KCTD8: variants seen among roughly 807,000 people sequenced by gnomAD.
KCTD8 encodes the protein BTB/POZ domain-containing protein KCTD8.
KCTD8 carries 27 observed loss-of-function variants against 31.5 expected under a neutral mutation model. The observed-to-expected ratio is 0.86, with a 90% CI of 0.63 to 1.18. KCTD8 has a LOEUF of 1.18. Among genes scored for constraint, KCTD8 ranks in the 50% most tolerant of loss-of-function variants. The pLI, the probability that KCTD8 is intolerant of heterozygous loss-of-function variation, is 0.00. For missense variants in KCTD8, 658 were observed against 647.7 expected (o/e 1.02, Z -0.17); for synonymous variants, 290 against 280.0 (o/e 1.04, Z -0.36).
intron 1 of KCTD8, among the ~76,000 whole-genome samples, chr4:44,350,256 C>A (rs1719162719): frequency 6.6e-6 from 1 of 152,152 alleles, no homozygotes; most frequent in Non-Finnish European, 1.5e-5. Flanking sequence ...TTTCACAACA[C>A]CTTCTCAGTT....
intron 1 of KCTD8, among the ~76,000 whole-genome samples, chr4:44,307,416 G>A (rs970470461): frequency 6.6e-6 from 1 of 151,856 alleles, no homozygotes; most frequent in African/African-American, 2.4e-5. Flanking sequence ...TTCTCATATT[G>A]TGAAATCATC....
chr4:44,221,222 G>A (rs992017523), intron 1 of KCTD8, among the ~76,000 whole-genome samples: 1 of 152,074 alleles, frequency 6.6e-6, no homozygotes, highest in Non-Finnish European at 1.5e-5. Context: ...ACTATGTTAA[G>A]CTTTGACAGC....
intron 1 of KCTD8, among the ~76,000 whole-genome samples, chr4:44,193,180 T>C (rs1454990871): frequency 6.6e-6 from 1 of 152,192 alleles, no homozygotes; most frequent in Non-Finnish European, 1.5e-5. Context: ...TTTTAACAAG[T>C]AAAGTTATAA....
At chr4:44,220,014 A>G (rs1222318550) in intron 1 of KCTD8, among the ~76,000 whole-genome samples, 1 of 152,208 alleles carries the variant, frequency 6.6e-6, no homozygotes, top group Non-Finnish European at 1.5e-5. Flanking sequence ...ATTCTGTTTT[A>G]GAAGTAATGG....
chr4:44,392,457 C>G (rs961411446), intron 1 of KCTD8, among the ~76,000 whole-genome samples: 2 of 151,962 alleles, frequency 1.3e-5, no homozygotes, highest in Non-Finnish European at 2.9e-5. Context: ...CATAGTTTCA[C>G]CTATCATTGA....
At chr4:44,273,971 G>A (rs1341017255) in intron 1 of KCTD8, among the ~76,000 whole-genome samples, 1 of 151,734 alleles carries the variant, frequency 6.6e-6, no homozygotes, top group African/African-American at 2.4e-5. Context: ...TCTAACTGTT[G>A]TTTGAAATCA....
chr4:44,266,565 G>T (rs1303983982), intron 1 of KCTD8, among the ~76,000 whole-genome samples: 1 of 151,672 alleles, frequency 6.6e-6, no homozygotes, highest in African/African-American at 2.4e-5. Context: ...AATGTAAATG[G>T]ACTAAATGCT....
At chr4:44,340,465 A>AT (rs781054339) in intron 1 of KCTD8, among the ~76,000 whole-genome samples, 2,849 of 137,596 alleles carry the variant, frequency 0.021, 76 homozygotes, top group Admixed American at 0.069. Flanking sequence ...TGCCTGGCTA[A>AT]TTTTTTTTTT....
intron 1 of KCTD8, among the ~76,000 whole-genome samples, chr4:44,368,885 A>G (rs751247922): frequency 5.3e-5 from 8 of 152,196 alleles, no homozygotes; most frequent in Middle Eastern, 3.2e-3. Context: ...ACCTTTTGGC[A>G]CATTTCGGTG....
At chr4:44,204,597 T>C (rs1160271813) in intron 1 of KCTD8, among the ~76,000 whole-genome samples, 1 of 152,060 alleles carries the variant, frequency 6.6e-6, no homozygotes, top group African/African-American at 2.4e-5. Flanking sequence ...CTCAGGGAGC[T>C]CGGTTTTTGA....
chr4:44,229,812 A>G (rs1715067309), intron 1 of KCTD8, among the ~76,000 whole-genome samples: 1 of 148,434 alleles, frequency 6.7e-6, no homozygotes, highest in African/African-American at 2.5e-5. Flanking sequence ...CAACTGCCTT[A>G]AGGATTTTTT....
intron 1 of KCTD8, among the ~76,000 whole-genome samples, chr4:44,277,134 T>G (rs1716773114): frequency 6.6e-6 from 1 of 152,022 alleles, no homozygotes; most frequent in Middle Eastern, 3.4e-3. Flanking sequence ...GTTATTAATA[T>G]TCATGCTAGA....
At chr4:44,359,060 T>C (rs1053812815) in intron 1 of KCTD8, among the ~76,000 whole-genome samples, 1 of 152,224 alleles carries the variant, frequency 6.6e-6, no homozygotes, top group Non-Finnish European at 1.5e-5. Flanking sequence ...TTCTGGATAT[T>C]AGCCTTTTGT....
At chr4:44,183,361 T>A (rs1713485102) in intron 1 of KCTD8, among the ~76,000 whole-genome samples, 1 of 152,148 alleles carries the variant, frequency 6.6e-6, no homozygotes, top group African/African-American at 2.4e-5. Flanking sequence ...CAAAAGGGTA[T>A]TTAAGAAAAT....
chr4:44,322,854 A>G (rs1487475010), intron 1 of KCTD8, among the ~76,000 whole-genome samples: 2 of 151,974 alleles, frequency 1.3e-5, no homozygotes, highest in African/African-American at 2.4e-5. Flanking sequence ...TTCTTTTCTC[A>G]ATGTATGTTA....
intron 1 of KCTD8, among the ~76,000 whole-genome samples, chr4:44,188,462 T>C (rs1440729178): frequency 6.6e-6 from 1 of 152,150 alleles, no homozygotes; most frequent in African/African-American, 2.4e-5. Context: ...TAAAAAGGAA[T>C]AGAAATACGG....
intron 1 of KCTD8, among the ~76,000 whole-genome samples, chr4:44,337,022 A>AG (rs1718767321): frequency 2.0e-5 from 3 of 152,268 alleles, no homozygotes; most frequent in South Asian, 4.1e-4. Context: ...TATGTCTAAA[A>AG]GGGGGTTAAT....
intron 1 of KCTD8, among the ~76,000 whole-genome samples, chr4:44,299,237 G>A (rs1717532896): frequency 6.6e-6 from 1 of 152,100 alleles, no homozygotes; most frequent in Non-Finnish European, 1.5e-5. Context: ...TTGTTTGTAA[G>A]GGTCCTCTCT....
At chr4:44,303,759 A>C (rs1179699421) in intron 1 of KCTD8, among the ~76,000 whole-genome samples, 1 of 151,844 alleles carries the variant, frequency 6.6e-6, no homozygotes, top group Non-Finnish European at 1.5e-5. Context: ...GTTGCAGTGA[A>C]CTGAAATTGC....
Sources: gnomAD v4.1 joint callset for allele counts (sites outside exome capture counted in the v4.1 genomes callset) on GRCh38, gnomAD v4.1.1 for gene constraint, MANE v1.5 for transcripts, NCBI Gene and HGNC (gene_info 2026-07-23, HGNC 2026-07-21) for gene names.